SGCZ: variants seen among roughly 807,000 people sequenced by gnomAD.
SGCZ encodes the protein zeta-sarcoglycan.
SGCZ carries 40 observed loss-of-function variants against 41.3 expected under a neutral mutation model. The ratio of observed to expected loss-of-function variants is 0.97; its 90% CI spans 0.75 to 1.26. The LOEUF (loss-of-function observed/expected upper bound fraction) is 1.26, where lower values mean the gene tolerates loss of function less well. SGCZ is among the 50% of genes most tolerant of loss of function. The pLI is 0.00. For synonymous variants in SGCZ, 206 were observed against 137.5 expected (o/e 1.50, Z -3.49); for missense variants, 552 against 369.8 (o/e 1.49, Z -4.04).
chr8:14,309,177 A>G (rs751567684), intron 3 of SGCZ: 5 of 1,480,150 alleles, frequency 3.4e-6, no homozygotes, highest in Non-Finnish European at 4.7e-6. Context: ...GAAAAAAGCA[A>G]AACTTGGCAA....
intron 1 of SGCZ, among the ~76,000 whole-genome samples, chr8:14,979,636 T>A (rs1801596409): frequency 6.6e-6 from 1 of 152,228 alleles, no homozygotes; most frequent in Admixed American, 6.5e-5. Context: ...CTAACTGCAC[T>A]TGAATCAAAG....
At chr8:15,231,463 G>A (rs889255646) in intron 1 of SGCZ, among the ~76,000 whole-genome samples, 10 of 151,900 alleles carry the variant, frequency 6.6e-5, no homozygotes, top group African/African-American at 2.4e-4. Flanking sequence ...TTGGAGGGGT[G>A]GTAACCTTAA....
intron 2 of SGCZ, among the ~76,000 whole-genome samples, chr8:14,335,715 G>A (rs1802483459): frequency 6.6e-6 from 1 of 151,950 alleles, no homozygotes; most frequent in African/African-American, 2.4e-5. Flanking sequence ...TCTTGCTGAA[G>A]ATATCTTCCA....
chr8:14,913,467 G>A (rs1417245996), intron 1 of SGCZ, among the ~76,000 whole-genome samples: 1 of 151,912 alleles, frequency 6.6e-6, no homozygotes, highest in Non-Finnish European at 1.5e-5. Flanking sequence ...ACCAAATATA[G>A]CAATAATTTG....
rs762849062 is a variant in SGCZ, at chr8:14,457,379, C to T, written c.234+97353G>A. On this transcript the variant is annotated intron_variant, in intron 2 of 7. Coordinates refer to ENST00000382080, the MANE Select transcript of SGCZ (RefSeq NM_139167.4). ...TGTTACCAGGTGGATCATGGTCCAGCGGTAGCAAAAGGTGTCAAGGAACAA... is the reference window on the plus strand; with the variant it reads ...TGTTACCAGGTGGATCATGGTCCAGTGGTAGCAAAAGGTGTCAAGGAACAA... 2.6e-5 allele frequency among the ~76,000 whole-genome samples: 4 copies of T among 152,288 alleles called. 1 individual carries two copies. Among genetic ancestry groups the T allele is most frequent in the Non-Finnish European group, 2.9e-5 (2 of 68,034 alleles).
At chr8:14,818,646 C>A (rs1193988241) in intron 1 of SGCZ, among the ~76,000 whole-genome samples, 1 of 151,960 alleles carries the variant, frequency 6.6e-6, no homozygotes. Context: ...AAGGAAATTT[C>A]ATGAGATACA....
At chr8:15,195,167 T>C (rs920483851) in intron 1 of SGCZ, among the ~76,000 whole-genome samples, 8 of 152,182 alleles carry the variant, frequency 5.3e-5, no homozygotes, top group African/African-American at 1.7e-4. Flanking sequence ...CTAAGTCTTA[T>C]CTAGATCCCA....
At chr8:14,190,145 T>C (rs1424886426) in intron 4 of SGCZ, among the ~76,000 whole-genome samples, 1 of 151,562 alleles carries the variant, frequency 6.6e-6, no homozygotes, top group East Asian at 2.0e-4. Context: ...CCTGAGTAGC[T>C]GGGACTACAG....
intron 1 of SGCZ, among the ~76,000 whole-genome samples, chr8:14,594,634 G>A (rs777551519): frequency 6.6e-6 from 1 of 151,892 alleles, no homozygotes; most frequent in Non-Finnish European, 1.5e-5. Context: ...CCTAATTGAT[G>A]TATTTATTTG....
chr8:15,062,206 G>C (rs928736264), intron 1 of SGCZ, among the ~76,000 whole-genome samples: 9 of 152,078 alleles, frequency 5.9e-5, no homozygotes, highest in Middle Eastern at 3.4e-3. Flanking sequence ...TTTTATTATA[G>C]TTAATGAAAA....
intron 5 of SGCZ, among the ~76,000 whole-genome samples, chr8:14,119,616 A>T (rs948712559): frequency 1.3e-5 from 2 of 152,106 alleles, no homozygotes; most frequent in Admixed American, 6.6e-5. Context: ...GTGGTGAGAG[A>T]GGTTAACTTT....
intron 1 of SGCZ, among the ~76,000 whole-genome samples, chr8:14,668,346 T>G (rs183487639): frequency 6.6e-6 from 1 of 152,260 alleles, no homozygotes; most frequent in Non-Finnish European, 1.5e-5. Context: ...ATATGGTTTT[T>G]TCAGTCAAAT....
chr8:14,659,277 G>T (rs1198401160), intron 1 of SGCZ, among the ~76,000 whole-genome samples: 1 of 152,066 alleles, frequency 6.6e-6, no homozygotes, highest in East Asian at 1.9e-4. Context: ...TGCTTAAAGT[G>T]CTGAATATGG....
chr8:14,494,969 A>C (rs1801948654), intron 2 of SGCZ, among the ~76,000 whole-genome samples: 1 of 152,202 alleles, frequency 6.6e-6, no homozygotes, highest in South Asian at 2.1e-4. Context: ...ATTTAAAGGT[A>C]ATTTGGGGAA....
At chr8:14,550,208 A>G (rs1303791835) in intron 2 of SGCZ, among the ~76,000 whole-genome samples, 1 of 152,008 alleles carries the variant, frequency 6.6e-6, no homozygotes, top group Non-Finnish European at 1.5e-5. Context: ...TGAAATGTAT[A>G]GCAGTAAATA....
chr8:14,516,662 G>T (rs1464666336), intron 2 of SGCZ, among the ~76,000 whole-genome samples: 1 of 151,986 alleles, frequency 6.6e-6, no homozygotes, highest in African/African-American at 2.4e-5. Context: ...ATCCCATAAA[G>T]TTGATTTGCT....
chr8:15,155,283 A>G (rs1264484882), intron 1 of SGCZ, among the ~76,000 whole-genome samples: 1 of 152,172 alleles, frequency 6.6e-6, no homozygotes, highest in Non-Finnish European at 1.5e-5. Context: ...TGACAGACCC[A>G]GACCCTGTCT....
rs146713289 is a variant in SGCZ, at chr8:14,620,360, A to C, written c.40-65434T>G. 8.8e-3 allele frequency among the ~76,000 whole-genome samples: 1,346 copies of C among 152,298 alleles called. 20 individuals are homozygous for C. The highest frequency in any genetic ancestry group is 0.031 in the African/African-American group (1,272 of 41,540). On this transcript the variant is annotated intron_variant, in intron 1 of 7. Coordinates refer to ENST00000382080, the MANE Select transcript of SGCZ (RefSeq NM_139167.4). ...CCTAGAAGAAAACCTAGGCAATACC[A>C]TTCAGGTCATAGGCATGGAGAAGGA...
At chr8:14,209,721 A>G (rs1805737114) in intron 4 of SGCZ, among the ~76,000 whole-genome samples, 1 of 152,166 alleles carries the variant, frequency 6.6e-6, no homozygotes, top group African/African-American at 2.4e-5. Flanking sequence ...ATTTATAGAA[A>G]AAACTGGATA....
Sources: allele counts gnomAD v4.1 joint callset (sites outside exome capture counted in the v4.1 genomes callset), GRCh38; gene constraint gnomAD v4.1.1; transcripts MANE v1.5; gene names NCBI Gene and HGNC (gene_info 2026-07-23, HGNC 2026-07-21).